Variants in MTUS2 observed in about 807,000 individuals in gnomAD.
The protein encoded by MTUS2 is microtubule associated scaffold protein 2.
In MTUS2, 40 loss-of-function variants were observed where a neutral mutation model predicts 114.1. The observed-to-expected ratio is 0.35, with a 90% CI of 0.27 to 0.46. The LOEUF (loss-of-function observed/expected upper bound fraction) is 0.46, where lower values mean the gene tolerates loss of function less well. MTUS2 is among the 20% of genes least tolerant of loss of function. The pLI is 1.00. For missense variants in MTUS2, 1,679 were observed against 1,705.4 expected (o/e 0.98, Z 0.27); for synonymous variants, 688 against 672.0 (o/e 1.02, Z -0.37).
chr13:29,439,053 A>C (rs1877633419), intron 8 of MTUS2, among the ~76,000 whole-genome samples: 1 of 152,200 alleles, frequency 6.6e-6, no homozygotes, highest in Non-Finnish European at 1.5e-5. Flanking sequence ...TACTCATGCT[A>C]GGTATTCGGT....
At chr13:29,302,361 A>C (rs1185982227) in intron 6 of MTUS2, among the ~76,000 whole-genome samples, 8 of 152,190 alleles carry the variant, frequency 5.3e-5, no homozygotes, top group Admixed American at 5.2e-4. Context: ...AAAGATCAGG[A>C]GATCCCCTTG....
Position 29,275,372 on chromosome 13 carries a change from A to T in MTUS2, c.2645-6332A>T, listed in dbSNP as rs140684740. ...CAGACATTTATTCTTTGTGTTATAAACAATCTAGTTATACTCTTTTAGTTA... is the reference window on the plus strand; with the variant it reads ...CAGACATTTATTCTTTGTGTTATAATCAATCTAGTTATACTCTTTTAGTTA... On this transcript the variant is annotated intron_variant, in intron 5 of 15. Coordinates refer to ENST00000612955, the MANE Select transcript of MTUS2 (RefSeq NM_001033602.4). Among the ~76,000 whole-genome samples, 400 of 152,294 alleles carry T rather than the reference A, an allele frequency of 2.6e-3. 1 individual carries two copies. The highest frequency in any genetic ancestry group is 9.3e-3 in the African/African-American group (388 of 41,564).
At chr13:29,198,705 G>A (rs1482382632) in intron 5 of MTUS2, among the ~76,000 whole-genome samples, 1 of 152,150 alleles carries the variant, frequency 6.6e-6, no homozygotes, top group Non-Finnish European at 1.5e-5. Flanking sequence ...CCATGAGCAT[G>A]GAATGTTTTT....
chr13:29,339,585 C>CT (rs1457547285), intron 7 of MTUS2: 3 of 155,698 alleles, frequency 1.9e-5, no homozygotes, highest in Non-Finnish European at 4.3e-5. Flanking sequence ...TGCGGACGGG[C>CT]TGGGGGGTGC....
chr13:29,304,725 T>C (rs1273411795), intron 6 of MTUS2, among the ~76,000 whole-genome samples: 1 of 152,162 alleles, frequency 6.6e-6, no homozygotes, highest in Non-Finnish European at 1.5e-5. Context: ...ATTAGACAGA[T>C]GATCAAGACA....
At chr13:29,027,367 C>T (rs960077063) in intron 3 of MTUS2, among the ~76,000 whole-genome samples, 4 of 152,076 alleles carry the variant, frequency 2.6e-5, no homozygotes, top group Admixed American at 2.0e-4. Context: ...GAGCAGAAAA[C>T]GGTGTGTTAG....
chr13:28,895,499 A>G (rs544776255), intron 2 of MTUS2, among the ~76,000 whole-genome samples: 3 of 152,354 alleles, frequency 2.0e-5, no homozygotes, highest in South Asian at 2.1e-4. Context: ...AGAGAGTTAC[A>G]TTCATTCTTT....
At chr13:29,157,523 C>T (rs999153777) in intron 5 of MTUS2, among the ~76,000 whole-genome samples, 1 of 152,048 alleles carries the variant, frequency 6.6e-6, no homozygotes, top group African/African-American at 2.4e-5. Context: ...AAAGTAGATA[C>T]CTAACATAAA....
rs575668146 is a variant in MTUS2, at chr13:29,433,762, GA to G, written c.3118-6220del. Among the ~76,000 whole-genome samples, 76 of 152,266 alleles carry G rather than the reference GA, an allele frequency of 5.0e-4. 1 individual carries two copies. The highest frequency in any genetic ancestry group is 1.7e-3 in the African/African-American group (72 of 41,552). On this transcript the variant is annotated intron_variant, in intron 8 of 15. Coordinates refer to ENST00000612955, the MANE Select transcript of MTUS2 (RefSeq NM_001033602.4). ...TATGAAGATGAAGTTCTACCATGTT[GA>G]TTTTAAACCCTAATTTAAACTCATA...
In MTUS2 at chr13:29,439,973, G is replaced by GT. The variant is rs1328937496; in HGVS notation, c.3118-4dup. 5 of 1,574,180 alleles carry GT rather than the reference G, an allele frequency of 3.2e-6. No homozygotes were observed. Among genetic ancestry groups the GT allele is most frequent in the Admixed American group, 1.8e-5 (1 of 54,132 alleles). On this transcript the variant is annotated splice_polypyrimidine_tract_variant and intron_variant, in intron 8 of 15. Coordinates refer to ENST00000612955, the MANE Select transcript of MTUS2 (RefSeq NM_001033602.4). The stretch of plus-strand genomic sequence containing the variant: ...TAGGGGACTCTCGGTATCCGTTTTT[G>GT]TTTTTTCAGAATGAAAGTGCCCTTG...
At chr13:29,152,338 A>G (rs987073681) in intron 5 of MTUS2, among the ~76,000 whole-genome samples, 1 of 152,216 alleles carries the variant, frequency 6.6e-6, no homozygotes, top group Non-Finnish European at 1.5e-5. Flanking sequence ...TACCTGTTAG[A>G]TTTAGGAGAC....
chr13:29,037,977 A>T (rs1282234934), intron 4 of MTUS2, among the ~76,000 whole-genome samples: 2 of 152,132 alleles, frequency 1.3e-5, no homozygotes, highest in Non-Finnish European at 1.5e-5. Context: ...AGCTCAGAAG[A>T]GTTGGTTGTT....
chr13:28,919,318 TG>T (rs1196884299), intron 2 of MTUS2, among the ~76,000 whole-genome samples: 1 of 152,174 alleles, frequency 6.6e-6, no homozygotes, highest in African/African-American at 2.4e-5. Flanking sequence ...TCTGCTTTTT[TG>T]GTGGATATTT....
intron 2 of MTUS2, among the ~76,000 whole-genome samples, chr13:28,969,330 A>G (rs1435437191): frequency 6.6e-6 from 1 of 152,182 alleles, no homozygotes; most frequent in East Asian, 1.9e-4. Flanking sequence ...GTCTCAACAT[A>G]TACAGTGTAT....
chr13:29,000,158 A>G (rs560013365), intron 2 of MTUS2, among the ~76,000 whole-genome samples: 6 of 152,320 alleles, frequency 3.9e-5, no homozygotes, highest in South Asian at 2.1e-4. Context: ...GGAGGATCAT[A>G]TGGTAATTCT....
chr13:29,310,112 A>G (rs1194068851), intron 6 of MTUS2, among the ~76,000 whole-genome samples: 3 of 151,992 alleles, frequency 2.0e-5, no homozygotes, highest in Admixed American at 6.6e-5. Flanking sequence ...TCTGTTCTCT[A>G]TCTCCATGAG....
intron 2 of MTUS2, among the ~76,000 whole-genome samples, chr13:28,920,385 T>G (rs1880976868): frequency 6.6e-6 from 1 of 152,214 alleles, no homozygotes; most frequent in Non-Finnish European, 1.5e-5. Context: ...CAGAGTCTTG[T>G]TCTTTTCCCT....
chr13:29,344,781 T>C (rs1402918158), intron 7 of MTUS2, among the ~76,000 whole-genome samples: 1 of 152,180 alleles, frequency 6.6e-6, no homozygotes, highest in Non-Finnish European at 1.5e-5. Context: ...TTTAAGGTGG[T>C]TCTATTTTGA....
chr13:28,828,018 C>T (rs1173800472), intron 1 of MTUS2, among the ~76,000 whole-genome samples: 1 of 152,088 alleles, frequency 6.6e-6, no homozygotes, highest in African/African-American at 2.4e-5. Context: ...CGGGAATTTC[C>T]TCGTCTTAAT....
Sources: gnomAD v4.1 joint callset for allele counts (sites outside exome capture counted in the v4.1 genomes callset) on GRCh38, gnomAD v4.1.1 for gene constraint, MANE v1.5 for transcripts, NCBI Gene and HGNC (gene_info 2026-07-23, HGNC 2026-07-21) for gene names.